The following KRT36 variants were observed in gnomAD, a reference collection of about 807,000 sequenced individuals.
The protein encoded by KRT36 is keratin, type I cuticular Ha6.
A neutral mutation model predicts 43.0 loss-of-function variants in KRT36; 41 were observed. The ratio of observed to expected loss-of-function variants is 0.95; its 90% CI spans 0.74 to 1.24. The LOEUF is 1.24. KRT36 is among the 50% of genes most tolerant of loss of function. The probability of loss-of-function intolerance (pLI) is 0.00; values close to 1 mark genes in which losing one functional copy is unlikely to be tolerated. For missense variants in KRT36, 627 were observed against 595.3 expected, an observed-to-expected ratio of 1.05 and a Z score of -0.55; for synonymous variants, 277 against 252.9, an observed-to-expected ratio of 1.10 and a Z score of -0.90.
intron 6 of KRT36, 27 bp downstream of exon 6, chr17:41,486,923 C>A (rs1443072102): frequency 1.9e-6 from 3 of 1,599,484 alleles, no homozygotes; most frequent in Non-Finnish European, 2.6e-6. Flanking sequence ...TTCAGTCAAG[C>A]CCTACCCCAG....
Position 41,487,190 on chromosome 17 carries a change from G to A in KRT36, c.988-20C>T, listed in dbSNP as rs748633167. 4 of 1,606,132 alleles carry A rather than the reference G, an allele frequency of 2.5e-6. No individual in the cohort carries two copies. In the South Asian group the frequency reaches 3.3e-5, roughly 13 times the overall value. On this transcript the variant is annotated intron_variant, in intron 5 of 6. Coordinates refer to ENST00000328119, the MANE Select transcript of KRT36 (RefSeq NM_003771.5). ...ATTCCGCTGCAATGGGAAAGAGGAA[G>A]AGCTGCCTATTGGGGAGGAATCCCC...
chr17:41,489,392 C>G lies in KRT36; in HGVS notation c.459+14G>C. The G allele has an allele frequency of 6.2e-7, 1 of 1,610,044 alleles. No homozygotes were observed. Among genetic ancestry groups the G allele is most frequent in the Non-Finnish European group, 8.5e-7 (1 of 1,176,928 alleles). Reference sequence around the variant, plus strand: ...TTGGGCTGCTCAGCTGGAAAGGGGCCAGGTCTCCCTCACCTTCTGCTGGAA... The same window carrying G: ...TTGGGCTGCTCAGCTGGAAAGGGGCGAGGTCTCCCTCACCTTCTGCTGGAA... On this transcript the variant is annotated intron_variant, in intron 1 of 6. Transcript: ENST00000328119.
intron 5 of KRT36, 82 bp from the exon 6 acceptor site, chr17:41,487,252 C>A (rs776217053): frequency 3.2e-6 from 5 of 1,575,114 alleles, no homozygotes; most frequent in Non-Finnish European, 4.3e-6. Flanking sequence ...CATCTGCCTA[C>A]GGCCTGTGAT....
Position 41,487,151 on chromosome 17 carries a change from G to A in KRT36, c.1007C>T (p.Thr336Ile). The A allele has an allele frequency of 1.2e-6, 2 of 1,613,514 alleles. No individual in the cohort carries two copies. The highest frequency in any genetic ancestry group is 1.7e-6 in the Non-Finnish European group (2 of 1,179,528). ...GTAGCGGGCCTCGGTTTCGGCCAGG[G>A]TGGATTCCAAGGAATTCCGCTGCAA... ...QHSMRNSLES[T>I]LAETEARYSS... Residue 336 changes from threonine (T) to isoleucine (I), a missense_variant, in exon 6 of 7, where the codon ACC becomes ATC. By Grantham distance (89) the Thr-to-Ile change is moderately conservative (BLOSUM62 -1). Coordinates refer to ENST00000328119, the MANE Select transcript of KRT36 (RefSeq NM_003771.5).
chr17:41,489,575 A>G lies in KRT36; in HGVS notation c.290T>C (p.Met97Thr), dbSNP rs764551182. The G allele has an allele frequency of 1.2e-6, 2 of 1,614,174 alleles. No homozygotes were observed. The highest frequency in any genetic ancestry group is 1.7e-6 in the Non-Finnish European group (2 of 1,180,034). The change falls in exon 1 of 7, where the codon ATG becomes ACG. Residue 97 changes from methionine to threonine, a missense_variant. By Grantham distance (81) the Met-to-Thr change is moderately conservative. Coordinates refer to ENST00000328119, the MANE Select transcript of KRT36 (RefSeq NM_003771.5). ...GSFNGSEKET[M>T]QFLNDRLANY... ...GGCCAGGCGGTCGTTCAGGAACTGC[A>G]TAGTCTCCTTCTCGCTGCCGTTGAA... is the stretch of plus-strand genomic sequence containing the variant.
Position 41,487,418 on chromosome 17 carries a change from G to A in KRT36, c.920C>T (p.Thr307Met), listed in dbSNP as rs781252023. 8 of 1,613,850 alleles carry A rather than the reference G, an allele frequency of 5.0e-6. No homozygotes were observed. The highest frequency in any genetic ancestry group is 5.9e-6 in the Non-Finnish European group (7 of 1,179,908). The change falls in exon 5 of 7, where the codon ACG becomes ATG. Residue 307 changes from threonine (T) to methionine (M), a missense_variant. By Grantham distance (81) the Thr-to-Met change is moderately conservative (BLOSUM62 -1). Transcript: ENST00000328119. ...SSSEQLQCCQTEIIELRRTVN... is the reference protein window; with the variant it reads ...SSSEQLQCCQMEIIELRRTVN... Reference sequence around the variant, plus strand: ...CGTACGTCTCAGCTCGATGATCTCCGTCTGGCAGCACTGCAGCTGCTCCGA... The same window carrying A: ...CGTACGTCTCAGCTCGATGATCTCCATCTGGCAGCACTGCAGCTGCTCCGA...
rs34752082 is a variant in KRT36 at position 41,489,320 on chromosome 17, C to T, written c.459+86G>A. 9.7e-5 allele frequency: 136 copies of T among 1,402,668 alleles called. No homozygotes were observed. In the Middle Eastern group the frequency reaches 3.0e-3, roughly 31 times the overall value. The allele number at this position is 1,402,668 out of a possible 1,614,324, so 86.9% of individuals were successfully genotyped here. A position where few individuals can be genotyped will look rare whatever the true frequency, so the allele number is the denominator to read the frequency against. ...ACCAGGAGAATTCCCTAAAAGCTACCGTCCCATCTGGAAAGGCCCTGGAAT... is the reference window on the plus strand; with the variant it reads ...ACCAGGAGAATTCCCTAAAAGCTACTGTCCCATCTGGAAAGGCCCTGGAAT... On this transcript the variant is annotated intron_variant, in intron 1 of 6. Transcript: ENST00000328119.
Position 41,487,143 on chromosome 17 carries a change from C to G in KRT36, c.1015G>C (p.Glu339Gln). 1 of 1,613,836 alleles carries G rather than the reference C, an allele frequency of 6.2e-7. No individual in the cohort carries two copies. The change falls in exon 6 of 7, where the codon GAA becomes CAA. Residue 339 changes from glutamate (E) to glutamine (Q), a missense_variant. Glu to Gln is a conservative substitution (Grantham distance 29). Coordinates refer to ENST00000328119, the MANE Select transcript of KRT36 (RefSeq NM_003771.5). ...MRNSLESTLAETEARYSSQLA... is the reference protein window; with the variant it reads ...MRNSLESTLAQTEARYSSQLA... Reference sequence around the variant, plus strand: ...TGGGAGCTGTAGCGGGCCTCGGTTTCGGCCAGGGTGGATTCCAAGGAATTC... The same window carrying G: ...TGGGAGCTGTAGCGGGCCTCGGTTTGGGCCAGGGTGGATTCCAAGGAATTC...
chr17:41,489,360 C>T (rs1333439170), intron 1 of KRT36, 46 bp downstream of exon 1: 1 of 1,584,352 alleles, frequency 6.3e-7, no homozygotes, highest in Admixed American at 1.7e-5. Flanking sequence ...CAGACGCCTC[C>T]TAAGAGTTGG....
rs1450463051 is a variant in KRT36, at chr17:41,489,752, C to G, written c.113G>C (p.Arg38Thr). Residue 38 changes from arginine to threonine, a missense_variant, in exon 1 of 7, where the codon AGG becomes ACG. Arg to Thr is a moderately conservative substitution (Grantham distance 71). Transcript: ENST00000328119. Reference sequence around the variant, plus strand: ...TGCAGCACCGGCGAGACTGGGGACCCTGCAGGAGCCCACAGAACGGATGGA... The same window carrying G: ...TGCAGCACCGGCGAGACTGGGGACCGTGCAGGAGCCCACAGAACGGATGGA... ...VSSIRSVGSC[R>T]VPSLAGAAGY... The G allele has an allele frequency of 6.2e-7, 1 of 1,613,934 alleles. No individual in the cohort carries two copies. Among genetic ancestry groups the G allele is most frequent in the Non-Finnish European group, 8.5e-7 (1 of 1,180,000 alleles).
At position 41,488,332 on chromosome 17, in the gene KRT36, C is replaced by T. The variant is rs897370969; in HGVS notation, c.610G>A (p.Asp204Asn). 1.7e-5 allele frequency: 27 copies of T among 1,614,044 alleles called. No homozygotes were observed. The highest frequency in any genetic ancestry group is 2.2e-5 in the Non-Finnish European group (26 of 1,180,038). Residue 204 changes from aspartate to asparagine, a missense_variant, in exon 3 of 7, where the codon GAT (aspartate) becomes AAT (asparagine). Asp to Asn is a conservative substitution (Grantham distance 23). Transcript: ENST00000328119. ...ADINGLRRIL[D>N]ELTLCKADLE... ...TCAGCCTTGCACAGGGTCAGCTCAT[C>T]CAGGATCCTACGCAGGCCGTTGATG...
chr17:41,486,241 A>G lies in KRT36; in HGVS notation c.*135T>C. On this transcript the variant is annotated 3_prime_UTR_variant, in exon 7 of 7. Coordinates refer to ENST00000328119, the MANE Select transcript of KRT36 (RefSeq NM_003771.5). ...TTAAGTCCGGAAACACAATACGGGGAGTGTTTTGGTAGAAAAACCTGCTAA... is the reference window on the plus strand; with the variant it reads ...TTAAGTCCGGAAACACAATACGGGGGGTGTTTTGGTAGAAAAACCTGCTAA... The G allele has an allele frequency of 6.2e-6, 4 of 642,830 alleles. No homozygotes were observed. The highest frequency in any genetic ancestry group is 8.0e-6 in the Non-Finnish European group (3 of 377,274). The allele number at this position is 642,830 out of a possible 1,614,324, so 39.8% of individuals were successfully genotyped here.
Position 41,489,691 on chromosome 17 carries a change from G to A in KRT36, c.174C>T (p.Gly58=), listed in dbSNP as rs376708541. ...YISSARSGLS[G]LGSCLPGSYL... ...AGGAGCCAGGCAAGCAGCTCCCAAG[G>A]CCAGAGAGGCCCGACCTAGCAGAAG... is the stretch of plus-strand genomic sequence containing the variant. Residue 58 remains glycine, a synonymous_variant, in exon 1 of 7, where the codon GGC becomes GGT. Coordinates refer to ENST00000328119, the MANE Select transcript of KRT36 (RefSeq NM_003771.5). 4.2e-5 allele frequency: 67 copies of A among 1,614,052 alleles called. No individual in the cohort carries two copies. The highest frequency in any genetic ancestry group is 5.1e-5 in the Non-Finnish European group (60 of 1,180,034).
At position 41,487,057 on chromosome 17, in the gene KRT36, G is replaced by T; in HGVS notation, c.1101C>A (p.Cys367Ter). The T allele has an allele frequency of 6.2e-7, 1 of 1,614,208 alleles. No homozygotes were observed. The highest frequency in any genetic ancestry group is 8.5e-7 in the Non-Finnish European group (1 of 1,180,024). ...ACTCCTGGTTCTGCCGCTCCAGGTC[G>T]CAGCGGATCTCAGACAGCTGGGCCT... is the stretch of plus-strand genomic sequence containing the variant. Reference protein sequence around the residue: ...NVEAQLSEIRCDLERQNQEYQ... With the variant: ...NVEAQLSEIR Residue 367 changes from cysteine (C) to a stop codon, truncating the protein, a stop_gained, in exon 6 of 7, where the codon TGC (cysteine) becomes TGA (stop). Coordinates refer to ENST00000328119, the MANE Select transcript of KRT36 (RefSeq NM_003771.5). LOFTEE classifies it high-confidence loss of function.
chr17:41,489,515 T>C lies in KRT36; in HGVS notation c.350A>G (p.Glu117Gly). The C allele has an allele frequency of 1.2e-6, 2 of 1,614,226 alleles. No individual in the cohort carries two copies. The highest frequency in any genetic ancestry group is 1.7e-6 in the Non-Finnish European group (2 of 1,180,050). ...GATGCGGCTCTCCAGCTCCGCGTTCTCCCGCTCCAGCTGACGCACCTTCTC... is the reference window on the plus strand; with the variant it reads ...GATGCGGCTCTCCAGCTCCGCGTTCCCCCGCTCCAGCTGACGCACCTTCTC... The part of the protein sequence containing the change: ...YLEKVRQLER[E>G]NAELESRIQE... Residue 117 changes from glutamate to glycine, a missense_variant, in exon 1 of 7, where the codon GAG (glutamate) becomes GGG (glycine). Coordinates refer to ENST00000328119, the MANE Select transcript of KRT36 (RefSeq NM_003771.5).
chr17:41,489,248 C>T (rs1904493538), intron 1 of KRT36, among the ~76,000 whole-genome samples, 158 bp downstream of exon 1: 1 of 152,112 alleles, frequency 6.6e-6, no homozygotes, highest in African/African-American at 2.4e-5. Flanking sequence ...AGCAGAGAAG[C>T]CTGGGTCCCC....
intron 1 of KRT36, among the ~76,000 whole-genome samples, 200 bp from the exon 2 acceptor site, chr17:41,488,924 TG>T (rs1182459717): frequency 7.2e-5 from 11 of 152,266 alleles, no homozygotes; most frequent in Admixed American, 2.0e-4. Context: ...CCATCAGTCC[TG>T]GCGCCTGTAG....
chr17:41,487,497 C>T, intron 4 of KRT36, 21 bp from the exon 5 acceptor site: 2 of 1,613,858 alleles, frequency 1.2e-6, no homozygotes, highest in Non-Finnish European at 1.7e-6. Flanking sequence ...TGCCAGGGCC[C>T]AGAGCATGGT....
chr17:41,486,917 G>C, intron 6 of KRT36, 33 bp downstream of exon 6: 1 of 1,591,700 alleles, frequency 6.3e-7, no homozygotes, highest in East Asian at 2.2e-5. Context: ...TGAGGGTTCA[G>C]TCAAGCCCTA....
Sources: gnomAD v4.1 joint callset for allele counts (sites outside exome capture counted in the v4.1 genomes callset) on GRCh38, gnomAD v4.1.1 for gene constraint, MANE v1.5 for transcripts, NCBI Gene and HGNC (gene_info 2026-07-23, HGNC 2026-07-21) for gene names.